The following PDE4D variants were observed in gnomAD, a reference collection of about 807,000 sequenced individuals.
PDE4D encodes the protein phosphodiesterase 4D, also known as 3',5'-cyclic-AMP phosphodiesterase 4D.
PDE4D carries 24 observed loss-of-function variants against 87.4 expected under a neutral mutation model. The observed-to-expected ratio is 0.27, with a 90% CI of 0.20 to 0.39. The LOEUF is 0.39. Among genes scored for constraint, PDE4D ranks in the 10% least tolerant of loss-of-function variants. The probability of loss-of-function intolerance (pLI) is 1.00; values close to 1 mark genes in which losing one functional copy is unlikely to be tolerated. For synonymous variants in PDE4D, 384 were observed against 383.2 expected (o/e 1.00, Z -0.02); for missense variants, 714 against 1,041.0 (o/e 0.69, Z 4.32).
chr5:59,684,453 A>T (rs1027789279), intron 1 of PDE4D, among the ~76,000 whole-genome samples: 11 of 152,212 alleles, frequency 7.2e-5, no homozygotes, highest in Non-Finnish European at 1.3e-4. Context: ...AAATACAAGA[A>T]TTTTTGAATT....
At chr5:60,307,436 A>G (rs1754604737) in intron 1 of PDE4D, among the ~76,000 whole-genome samples, 1 of 152,236 alleles carries the variant, frequency 6.6e-6, no homozygotes, top group Non-Finnish European at 1.5e-5. Flanking sequence ...ATATCAACTC[A>G]CTGAAGAAGC....
chr5:59,005,957 A>G (rs7723432), intron 6 of PDE4D, among the ~76,000 whole-genome samples: 31,355 of 152,156 alleles, frequency 0.21, 3,681 homozygotes, highest in East Asian at 0.54. Flanking sequence ...TTAAAGAATC[A>G]TGGTTACTAT....
upstream of PDE4D, among the ~76,000 whole-genome samples, chr5:59,896,735 C>G (rs1751698816): frequency 6.6e-6 from 1 of 152,188 alleles, no homozygotes; most frequent in Non-Finnish European, 1.5e-5. Flanking sequence ...TCAAATACTT[C>G]TAGGGAAGTC....
chr5:59,808,442 T>C (rs1767980451), intron 1 of PDE4D, among the ~76,000 whole-genome samples: 1 of 152,180 alleles, frequency 6.6e-6, no homozygotes, highest in Non-Finnish European at 1.5e-5. Flanking sequence ...AGCTCTTTGA[T>C]TTCTCCTGGT....
intron 1 of PDE4D, among the ~76,000 whole-genome samples, chr5:59,679,364 T>C (rs1297623250): frequency 6.6e-6 from 1 of 152,202 alleles, no homozygotes; most frequent in Non-Finnish European, 1.5e-5. Flanking sequence ...TATTTTATTT[T>C]ATTAGTTTTG....
intron 1 of PDE4D, among the ~76,000 whole-genome samples, chr5:59,874,571 T>C (rs900424374): frequency 6.6e-6 from 1 of 152,048 alleles, no homozygotes; most frequent in Non-Finnish European, 1.5e-5. Flanking sequence ...TGATTTCTTA[T>C]CCATTTTAAA....
chr5:60,413,027 A>G lies in PDE4D; in HGVS notation c.-90+74915T>C, dbSNP rs141125839. Among the ~76,000 whole-genome samples, 517 of 152,342 alleles carry G rather than the reference A, an allele frequency of 3.4e-3. 1 individual carries two copies. Among genetic ancestry groups the G allele is most frequent in the Admixed American group, 5.8e-3 (89 of 15,304 alleles). ...AAATGATGACTTTAACTACAACATT[A>G]TATAGTTGAAGTCATGGAATATATG... On this transcript the variant is annotated intron_variant, in intron 1 of 16. Coordinates refer to the PDE4D transcript ENST00000502484.
intron 1 of PDE4D, among the ~76,000 whole-genome samples, chr5:60,314,013 C>G (rs1755291764): frequency 1.3e-5 from 2 of 152,098 alleles, no homozygotes; most frequent in African/African-American, 4.8e-5. Flanking sequence ...GAAGCATTCC[C>G]CTTGAGAGCC....
chr5:60,223,146 G>A (rs1051332211), intron 1 of PDE4D, among the ~76,000 whole-genome samples: 1 of 152,014 alleles, frequency 6.6e-6, no homozygotes, highest in African/African-American at 2.4e-5. Context: ...CTTAGTACAT[G>A]GAGGCAACAG....
chr5:60,170,017 T>C (rs1191090059), intron 2 of PDE4D, among the ~76,000 whole-genome samples: 2 of 152,040 alleles, frequency 1.3e-5, no homozygotes, highest in Non-Finnish European at 2.9e-5. Context: ...CATTTTTCTT[T>C]CTTTTTTGAT....
intron 1 of PDE4D, among the ~76,000 whole-genome samples, chr5:59,316,762 A>G (rs1174765868): frequency 6.6e-6 from 1 of 152,198 alleles, no homozygotes; most frequent in Non-Finnish European, 1.5e-5. Flanking sequence ...GTAGTTGACA[A>G]TGGCTGTGAA....
chr5:59,947,774 C>T (rs959956504), intron 3 of PDE4D, among the ~76,000 whole-genome samples: 4 of 152,090 alleles, frequency 2.6e-5, no homozygotes, highest in East Asian at 1.9e-4. Context: ...TTTGGGAGGC[C>T]GAGGCAGGTG....
chr5:59,501,580 G>A (rs1808290992), intron 1 of PDE4D, among the ~76,000 whole-genome samples: 1 of 152,232 alleles, frequency 6.6e-6, no homozygotes, highest in South Asian at 2.1e-4. Context: ...GAGGCAGCTG[G>A]GGAGGAAAGA....
chr5:60,380,698 A>G (rs1037409099), intron 1 of PDE4D, among the ~76,000 whole-genome samples: 1 of 152,244 alleles, frequency 6.6e-6, no homozygotes, highest in African/African-American at 2.4e-5. Context: ...ATGGGAAGCT[A>G]GTGCACCTTG....
intron 1 of PDE4D, among the ~76,000 whole-genome samples, chr5:59,679,940 G>T (rs1383852351): frequency 5.9e-5 from 9 of 151,820 alleles, no homozygotes; most frequent in Admixed American, 5.9e-4. Flanking sequence ...ATATTATCAG[G>T]TTTCTCTATT....
At chr5:59,637,168 A>G (rs1196921173) in intron 1 of PDE4D, among the ~76,000 whole-genome samples, 4 of 152,246 alleles carry the variant, frequency 2.6e-5, no homozygotes, top group African/African-American at 9.6e-5. Context: ...TGGTCATTAG[A>G]GAAATGCAAA....
chr5:60,408,555 T>A lies in PDE4D; in HGVS notation c.-90+79387A>T, dbSNP rs187234891. The stretch of plus-strand genomic sequence containing the variant: ...CTGAAGCACTGCTTTGCCTGGAAAG[T>A]CTTGCCAGTTTAATCATATGCAAAT... On this transcript the variant is annotated intron_variant, in intron 1 of 16. Coordinates refer to the PDE4D transcript ENST00000502484. 2.3e-4 allele frequency among the ~76,000 whole-genome samples: 35 copies of A among 152,348 alleles called. 1 individual carries two copies. Among genetic ancestry groups the A allele is most frequent in the Admixed American group, 2.2e-3 (34 of 15,298 alleles).
chr5:59,305,716 T>C (rs1771188764), intron 1 of PDE4D, among the ~76,000 whole-genome samples: 1 of 152,156 alleles, frequency 6.6e-6, no homozygotes, highest in South Asian at 2.1e-4. Context: ...GTTTTGAAGA[T>C]TCCATTTGGA....
intron 1 of PDE4D, among the ~76,000 whole-genome samples, chr5:60,427,185 C>G (rs536734300): frequency 6.6e-6 from 1 of 152,200 alleles, no homozygotes; most frequent in Admixed American, 6.5e-5. Context: ...TCAAAACGAT[C>G]AAACAGATCC....
Sources: allele counts gnomAD v4.1 joint callset (sites outside exome capture counted in the v4.1 genomes callset), GRCh38; gene constraint gnomAD v4.1.1; transcripts MANE v1.5; gene names NCBI Gene and HGNC (gene_info 2026-07-23, HGNC 2026-07-21).